CHN2: variants seen among roughly 807,000 people sequenced by gnomAD.
CHN2 encodes beta-chimaerin.
CHN2 carries 35 observed loss-of-function variants against 56.3 expected under a neutral mutation model. That is an observed-to-expected ratio of 0.62 (90% CI 0.47 to 0.82). The LOEUF (loss-of-function observed/expected upper bound fraction) is 0.82. CHN2 is among the 40% of genes least tolerant of loss of function. CHN2 has a pLI of 0.00. For missense variants in CHN2, 491 were observed against 580.5 expected, an observed-to-expected ratio of 0.85 and a Z score of 1.58; for synonymous variants, 210 against 212.8, an observed-to-expected ratio of 0.99 and a Z score of 0.12.
At chr7:29,336,906 C>T (rs1043455152) in intron 1 of CHN2, among the ~76,000 whole-genome samples, 2 of 152,140 alleles carry the variant, frequency 1.3e-5, no homozygotes, top group African/African-American at 2.4e-5. Context: ...CCTACTCATC[C>T]GTCACTGCCC....
At chr7:29,292,239 C>T (rs1792694147) in intron 1 of CHN2, among the ~76,000 whole-genome samples, 1 of 152,138 alleles carries the variant, frequency 6.6e-6, no homozygotes, top group Non-Finnish European at 1.5e-5. Context: ...AGGAGCATTA[C>T]TATAAAATGC....
chr7:29,417,151 C>T (rs867463136), intron 6 of CHN2, among the ~76,000 whole-genome samples: 46 of 152,320 alleles, frequency 3.0e-4, no homozygotes, highest in African/African-American at 1.1e-3. Flanking sequence ...TGAGCTGCGC[C>T]TCACTCAGTT....
At chr7:29,430,643 C>G (rs1451101734) in intron 6 of CHN2, among the ~76,000 whole-genome samples, 2 of 152,086 alleles carry the variant, frequency 1.3e-5, no homozygotes, top group African/African-American at 2.4e-5. Flanking sequence ...GTTTACGCAT[C>G]AGAGTAGGTT....
chr7:29,284,441 T>C (rs946367941), intron 1 of CHN2, among the ~76,000 whole-genome samples: 2 of 152,186 alleles, frequency 1.3e-5, no homozygotes, highest in African/African-American at 2.4e-5. Flanking sequence ...TAAAGAAAGA[T>C]AATTGAAGCT....
intron 3 of CHN2, among the ~76,000 whole-genome samples, chr7:29,384,165 C>G (rs1344340361): frequency 6.6e-6 from 1 of 152,170 alleles, no homozygotes; most frequent in Non-Finnish European, 1.5e-5. Flanking sequence ...ACTAATCAGT[C>G]TACCCAGGTC....
intron 6 of CHN2, among the ~76,000 whole-genome samples, chr7:29,419,341 A>G (rs1346899704): frequency 6.6e-6 from 1 of 152,224 alleles, no homozygotes; most frequent in Non-Finnish European, 1.5e-5. Flanking sequence ...CATTAAATTT[A>G]TTAACTACCT....
chr7:29,391,363 G>A (rs1475224159), intron 3 of CHN2, among the ~76,000 whole-genome samples: 3 of 148,026 alleles, frequency 2.0e-5, no homozygotes, highest in Non-Finnish European at 4.5e-5. Flanking sequence ...GGGAGGGGAG[G>A]GGAAGGGAGG....
chr7:29,445,564 C>T (rs1339876646), intron 6 of CHN2, among the ~76,000 whole-genome samples: 3 of 152,164 alleles, frequency 2.0e-5, no homozygotes, highest in African/African-American at 4.8e-5. Flanking sequence ...TTGTGAGAGC[C>T]GTCAGTAAAA....
chr7:29,267,613 G>A (rs183833985), intron 1 of CHN2, among the ~76,000 whole-genome samples: 1 of 152,176 alleles, frequency 6.6e-6, no homozygotes, highest in Non-Finnish European at 1.5e-5. Context: ...AGAAGAGTTT[G>A]ATGGAGTGAA....
At chr7:29,255,149 G>A (rs1788967756) in intron 1 of CHN2, among the ~76,000 whole-genome samples, 1 of 152,230 alleles carries the variant, frequency 6.6e-6, no homozygotes, top group African/African-American at 2.4e-5. Context: ...GAGGAGAGGG[G>A]TGGAAGTAAT....
intron 1 of CHN2, among the ~76,000 whole-genome samples, chr7:29,208,599 C>G (rs1784696362): frequency 6.6e-6 from 1 of 152,124 alleles, no homozygotes; most frequent in Non-Finnish European, 1.5e-5. Context: ...GCTCCTCCTG[C>G]TTTCTAATGT....
chr7:29,429,942 T>C (rs1272325975), intron 6 of CHN2, among the ~76,000 whole-genome samples: 1 of 152,180 alleles, frequency 6.6e-6, no homozygotes, highest in East Asian at 1.9e-4. Flanking sequence ...TATAATTAAT[T>C]GGCAGTATAA....
At chr7:29,194,006 G>C (rs1783235172), upstream of CHN2, 1 of 152,432 alleles carries the variant, frequency 6.6e-6, no homozygotes, top group Admixed American at 6.5e-5. Flanking sequence ...GTCAGCTCCA[G>C]AGCAACAAAG....
chr7:29,338,274 G>A (rs1796775555), intron 1 of CHN2, among the ~76,000 whole-genome samples: 1 of 152,084 alleles, frequency 6.6e-6, no homozygotes, highest in African/African-American at 2.4e-5. Context: ...CATCCTCTGT[G>A]GGCTTCAGAT....
At position 29,442,934 on chromosome 7, in the gene CHN2, C is replaced by CTTTTTTTTTTTTTTTTTTTTTTTTT. The variant is rs541792526; in HGVS notation, c.577-37328_577-37327insTTTTTTTTTTTTTTTTTTTTTTTTT. On this transcript the variant is annotated intron_variant, in intron 6 of 12. Coordinates refer to ENST00000222792, the MANE Select transcript of CHN2 (RefSeq NM_004067.4). ...CATCGCTTTCAATTTCATTGAATTT[C>CTTTTTTTTTTTTTTTTTTTTTTTTT]TTTTTTTTTTTTTTTTTGAGACGGA... Among the ~76,000 whole-genome samples the CTTTTTTTTTTTTTTTTTTTTTTTTT allele has an allele frequency of 3.0e-4, 31 of 103,058 alleles. 4 individuals are homozygous for CTTTTTTTTTTTTTTTTTTTTTTTTT. Among genetic ancestry groups the CTTTTTTTTTTTTTTTTTTTTTTTTT allele is most frequent in the African/African-American group, 1.0e-3 (21 of 21,036 alleles). 67.6% of individuals were successfully genotyped at this position (103,058 alleles called of 152,430 possible).
At position 29,184,996 on chromosome 7, in the gene CHN2, T is replaced by G. The variant is rs866469631; in HGVS notation, c.274+38036T>G. Among the ~76,000 whole-genome samples the G allele has an allele frequency of 6.3e-4, 96 of 152,304 alleles. 1 individual carries two copies. Among genetic ancestry groups the G allele is most frequent in the African/African-American group, 2.2e-3 (90 of 41,580 alleles). ...ACCATTGAGAGTAGATGTCTCTAAGTGCATTTGTCTGTGATACCCCCTCTT... is the reference window on the plus strand; with the variant it reads ...ACCATTGAGAGTAGATGTCTCTAAGGGCATTTGTCTGTGATACCCCCTCTT... On this transcript the variant is annotated intron_variant, in intron 2 of 6. Transcript: ENST00000439384.
intron 2 of CHN2, among the ~76,000 whole-genome samples, chr7:29,175,237 C>T (rs553152393): frequency 5.9e-5 from 9 of 151,560 alleles, no homozygotes; most frequent in South Asian, 4.2e-4. Flanking sequence ...TGTAGTGGCA[C>T]GATCTCTGCT....
At chr7:29,506,233 G>C (rs536964702) in intron 10 of CHN2, among the ~76,000 whole-genome samples, 13 of 152,086 alleles carry the variant, frequency 8.5e-5, no homozygotes, top group Middle Eastern at 3.2e-3. Context: ...AAACGGAGCA[G>C]GTCAAAACTT....
At chr7:29,158,407 C>A (rs1482645681) in intron 2 of CHN2, among the ~76,000 whole-genome samples, 1 of 152,138 alleles carries the variant, frequency 6.6e-6, no homozygotes, top group African/African-American at 2.4e-5. Flanking sequence ...TGATCCATAA[C>A]CAAAGAAAAC....
Sources: allele counts gnomAD v4.1 joint callset (sites outside exome capture counted in the v4.1 genomes callset), GRCh38; gene constraint gnomAD v4.1.1; transcripts MANE v1.5; gene names NCBI Gene and HGNC (gene_info 2026-07-23, HGNC 2026-07-21).